PPFIA2: variants seen among roughly 807,000 people sequenced by gnomAD.
PPFIA2 encodes liprin-alpha-2.
PPFIA2 carries 46 observed loss-of-function variants against 175.5 expected under a neutral mutation model. The ratio of observed to expected loss-of-function variants is 0.26; its 90% CI spans 0.21 to 0.34. PPFIA2 has a LOEUF of 0.34. Among genes scored for constraint, PPFIA2 ranks in the 10% least tolerant of loss-of-function variants. PPFIA2 has a pLI of 1.00. For missense variants in PPFIA2, 1,179 were observed against 1,506.1 expected (o/e 0.78, Z 3.60); for synonymous variants, 568 against 511.4 (o/e 1.11, Z -1.49).
rs183826846 is a variant in PPFIA2, at chr12:81,619,536, A to C, written c.303+57255T>G. The stretch of plus-strand genomic sequence containing the variant: ...AAAATCTGTTACTTCCTACTTGGGA[A>C]TATAAATAAATAATTTTTCTGGAAC... On this transcript the variant is annotated intron_variant, in intron 4 of 32. Coordinates refer to ENST00000549396, the MANE Select transcript of PPFIA2 (RefSeq NM_003625.5). Among the ~76,000 whole-genome samples, 168 of 152,350 alleles carry C rather than the reference A, an allele frequency of 1.1e-3. 1 individual carries two copies. Among genetic ancestry groups the C allele is most frequent in the Middle Eastern group, 6.8e-3 (2 of 294 alleles).
chr12:81,405,716 T>C (rs2042814171), intron 8 of PPFIA2, 71 bp downstream of exon 8: 2 of 913,192 alleles, frequency 2.2e-6, no homozygotes, highest in Admixed American at 6.0e-5. Flanking sequence ...CATTATGTGG[T>C]TTTTATATTT....
At chr12:81,479,970 G>C (rs917426876) in intron 4 of PPFIA2, among the ~76,000 whole-genome samples, 2 of 152,118 alleles carry the variant, frequency 1.3e-5, no homozygotes, top group African/African-American at 2.4e-5. Flanking sequence ...CTAGGTTGGG[G>C]AAGTTCTCCT....
Position 81,261,980 on chromosome 12 carries a change from G to C in PPFIA2, c.*2C>G, listed in dbSNP as rs747510642. 1 of 1,603,520 alleles carries C rather than the reference G, an allele frequency of 6.2e-7. No individual in the cohort carries two copies. The highest frequency in any genetic ancestry group is 8.5e-7 in the Non-Finnish European group (1 of 1,174,996). ...TCAGTGCTGCCTCCTTTGAGTGGCT[G>C]GTCAACATGAGTATGTGCGAACAGT... On this transcript the variant is annotated 3_prime_UTR_variant, in exon 32 of 33. Coordinates refer to ENST00000549396, the MANE Select transcript of PPFIA2 (RefSeq NM_003625.5).
intron 4 of PPFIA2, among the ~76,000 whole-genome samples, chr12:81,539,783 G>A (rs984733754): frequency 2.6e-5 from 4 of 151,708 alleles, no homozygotes; most frequent in African/African-American, 7.3e-5. Flanking sequence ...TCAAACTCAA[G>A]CACTCCACCT....
At chr12:81,597,673 A>G (rs571258472) in intron 4 of PPFIA2, among the ~76,000 whole-genome samples, 1 of 152,184 alleles carries the variant, frequency 6.6e-6, no homozygotes, top group South Asian at 2.1e-4. Context: ...AGGAGACACA[A>G]CACATCTCAT....
chr12:81,318,549 A>G (rs896686670), intron 22 of PPFIA2, among the ~76,000 whole-genome samples: 2 of 151,682 alleles, frequency 1.3e-5, no homozygotes, highest in African/African-American at 4.8e-5. Context: ...ATCATCCTTA[A>G]GTATATTCTT....
intron 4 of PPFIA2, among the ~76,000 whole-genome samples, chr12:81,590,411 T>C (rs1400095423): frequency 1.3e-5 from 2 of 152,296 alleles, no homozygotes; most frequent in South Asian, 2.1e-4. Flanking sequence ...CCTCATTTGA[T>C]TACAGAGATA....
At chr12:81,609,405 C>G (rs1392707188) in intron 4 of PPFIA2, among the ~76,000 whole-genome samples, 1 of 152,112 alleles carries the variant, frequency 6.6e-6, no homozygotes, top group Non-Finnish European at 1.5e-5. Context: ...GTGTGATTGT[C>G]TAAGTCTTCT....
chr12:81,288,864 A>G (rs1756151436), intron 24 of PPFIA2, among the ~76,000 whole-genome samples: 1 of 151,810 alleles, frequency 6.6e-6, no homozygotes, highest in Non-Finnish European at 1.5e-5. Flanking sequence ...TAAGGTTTAT[A>G]AAGGCAATTA....
intron 8 of PPFIA2, among the ~76,000 whole-genome samples, chr12:81,394,963 C>CATT (rs1234436628): frequency 1.3e-5 from 2 of 151,856 alleles, no homozygotes; most frequent in Non-Finnish European, 2.9e-5. Flanking sequence ...TAATGAATAG[C>CATT]ATTATTATTA....
chr12:81,644,692 T>C (rs944168236), intron 4 of PPFIA2, among the ~76,000 whole-genome samples: 3 of 152,110 alleles, frequency 2.0e-5, no homozygotes, highest in Non-Finnish European at 2.9e-5. Context: ...TTCTGTAACA[T>C]GGTTAAGCAT....
intron 8 of PPFIA2, among the ~76,000 whole-genome samples, chr12:81,386,640 A>G (rs560071706): frequency 1.3e-5 from 2 of 152,028 alleles, no homozygotes; most frequent in African/African-American, 4.8e-5. Context: ...AATGATAATA[A>G]TAATAATAAT....
intron 3 of PPFIA2, among the ~76,000 whole-genome samples, chr12:81,729,145 G>T (rs7139250): frequency 0.12 from 18,276 of 151,348 alleles, 1,315 homozygotes; most frequent in East Asian, 0.29. Context: ...AAATTAGGAA[G>T]AGAAACAAAA....
chr12:81,307,843 T>C (rs1056488906), intron 22 of PPFIA2, among the ~76,000 whole-genome samples: 1 of 152,190 alleles, frequency 6.6e-6, no homozygotes, highest in Non-Finnish European at 1.5e-5. Flanking sequence ...ATTACCCAAA[T>C]ACCTCATTCG....
At chr12:81,658,721 T>C (rs1567749472) in intron 4 of PPFIA2, among the ~76,000 whole-genome samples, 1 of 152,016 alleles carries the variant, frequency 6.6e-6, no homozygotes, top group African/African-American at 2.4e-5. Context: ...ATATGTTTTA[T>C]ATATGTTTAA....
chr12:81,621,163 C>G (rs2062005684), intron 4 of PPFIA2, among the ~76,000 whole-genome samples: 1 of 152,012 alleles, frequency 6.6e-6, no homozygotes, highest in South Asian at 2.1e-4. Context: ...AACATTTGAA[C>G]AGATATGAGG....
At chr12:81,633,450 A>G (rs1034483952) in intron 4 of PPFIA2, among the ~76,000 whole-genome samples, 1 of 152,052 alleles carries the variant, frequency 6.6e-6, no homozygotes, top group African/African-American at 2.4e-5. Flanking sequence ...AGAGGCAGAC[A>G]TGCAGACAAT....
intron 3 of PPFIA2, among the ~76,000 whole-genome samples, chr12:81,713,391 T>C (rs753213840): frequency 2.0e-5 from 3 of 150,994 alleles, no homozygotes; most frequent in Non-Finnish European, 2.9e-5. Context: ...TCTGGAAGAG[T>C]ATGATCTCTA....
chr12:81,597,307 C>T (rs2059354593), intron 4 of PPFIA2, among the ~76,000 whole-genome samples: 1 of 151,960 alleles, frequency 6.6e-6, no homozygotes, highest in Admixed American at 6.6e-5. Flanking sequence ...AATTGAAATA[C>T]ATTTAGTAGG....
Sources: allele counts gnomAD v4.1 joint callset (sites outside exome capture counted in the v4.1 genomes callset), GRCh38; gene constraint gnomAD v4.1.1; transcripts MANE v1.5; gene names NCBI Gene and HGNC (gene_info 2026-07-23, HGNC 2026-07-21).